The following BRINP3 variants were observed in gnomAD, a reference collection of about 807,000 sequenced individuals.
BRINP3 encodes the protein BMP/retinoic acid inducible neural specific 3.
In BRINP3, 19 loss-of-function variants were observed where a neutral mutation model predicts 71.0. That is an observed-to-expected ratio of 0.27 (90% CI 0.19 to 0.39). BRINP3 has a LOEUF of 0.39. BRINP3 is among the 10% of genes least tolerant of loss of function. The probability of loss-of-function intolerance (pLI) is 1.00; values close to 1 mark genes in which losing one functional copy is unlikely to be tolerated. For synonymous variants in BRINP3, 380 were observed against 337.7 expected, an observed-to-expected ratio of 1.13 and a Z score of -1.37; for missense variants, 959 against 940.8, an observed-to-expected ratio of 1.02 and a Z score of -0.25.
chr1:190,368,641 T>C (rs1309859339), intron 2 of BRINP3, among the ~76,000 whole-genome samples: 1 of 151,906 alleles, frequency 6.6e-6, no homozygotes, highest in Non-Finnish European at 1.5e-5. Flanking sequence ...CACAAACAAG[T>C]TTATTGAGGG....
Position 190,160,908 on chromosome 1 carries a change from T to G in BRINP3, c.962-18A>C, listed in dbSNP as rs530432467. The G allele has an allele frequency of 5.8e-6, 9 of 1,539,340 alleles. No individual in the cohort carries two copies. The South Asian group carries it at 8.2e-5, about 14-fold the overall frequency. On this transcript the variant is annotated intron_variant, in intron 6 of 7. Coordinates refer to ENST00000367462, the MANE Select transcript of BRINP3 (RefSeq NM_199051.3). Reference sequence around the variant, plus strand: ...GAATTCATCTGAAAAATGTCAAAATTCAACACTTTAATTATGAAACAATTA... The same window carrying G: ...GAATTCATCTGAAAAATGTCAAAATGCAACACTTTAATTATGAAACAATTA...
chr1:190,398,766 T>G (rs1453671498), intron 2 of BRINP3, among the ~76,000 whole-genome samples: 1 of 152,040 alleles, frequency 6.6e-6, no homozygotes, highest in East Asian at 1.9e-4. Flanking sequence ...AATATTGTAA[T>G]AGCAAGTGAG....
chr1:190,396,073 T>C (rs1283506828), intron 2 of BRINP3, among the ~76,000 whole-genome samples: 2 of 151,932 alleles, frequency 1.3e-5, no homozygotes, highest in Non-Finnish European at 2.9e-5. Context: ...GGGTTCTGAA[T>C]ATTAATTATG....
chr1:190,256,741 A>T (rs537083523), intron 4 of BRINP3, among the ~76,000 whole-genome samples: 1 of 152,270 alleles, frequency 6.6e-6, no homozygotes, highest in East Asian at 1.9e-4. Flanking sequence ...TCCTTAAATT[A>T]TGAAGCTTAG....
At chr1:190,351,431 A>C (rs1302395935) in intron 2 of BRINP3, among the ~76,000 whole-genome samples, 1 of 152,172 alleles carries the variant, frequency 6.6e-6, no homozygotes, top group African/African-American at 2.4e-5. Flanking sequence ...ATTTATGAAT[A>C]TTTATAAATT....
intron 2 of BRINP3, among the ~76,000 whole-genome samples, chr1:190,432,437 A>G (rs980677422): frequency 1.6e-4 from 24 of 152,344 alleles, no homozygotes; most frequent in African/African-American, 5.8e-4. Context: ...TTCAGAGGCC[A>G]TATCACACAA....
chr1:190,462,985 A>T (rs1676494764), intron 1 of BRINP3, among the ~76,000 whole-genome samples: 1 of 152,010 alleles, frequency 6.6e-6, no homozygotes, highest in Non-Finnish European at 1.5e-5. Context: ...GATAGTTTAA[A>T]TCTACTAAAT....
chr1:190,275,452 T>G (rs1662476371), intron 3 of BRINP3, among the ~76,000 whole-genome samples: 1 of 151,638 alleles, frequency 6.6e-6, no homozygotes, highest in South Asian at 2.1e-4. Context: ...TTTGAGATTC[T>G]GCATTTCTAA....
chr1:190,391,929 G>C (rs760100377), intron 2 of BRINP3, among the ~76,000 whole-genome samples: 1 of 151,596 alleles, frequency 6.6e-6, no homozygotes, highest in South Asian at 2.1e-4. Context: ...ATCATTTTTG[G>C]TTCCACGATA....
chr1:190,278,177 A>G (rs1370070663), intron 3 of BRINP3, among the ~76,000 whole-genome samples: 5 of 151,730 alleles, frequency 3.3e-5, no homozygotes, highest in African/African-American at 4.8e-5. Flanking sequence ...TTTATAGTCA[A>G]CTTGTTTTGA....
intron 2 of BRINP3, 69 bp from the exon 3 acceptor site, chr1:190,281,819 G>A (rs1663063620): frequency 7.0e-7 from 1 of 1,434,302 alleles, no homozygotes; most frequent in Non-Finnish European, 9.5e-7. Context: ...GAGTTCACTT[G>A]GTAGCTGGGG....
At chr1:190,194,833 G>A (rs2102587613) in intron 6 of BRINP3, among the ~76,000 whole-genome samples, 1 of 152,134 alleles carries the variant, frequency 6.6e-6, no homozygotes, top group East Asian at 1.9e-4. Context: ...AGTAGTAGTA[G>A]CTAACGTCTG....
At chr1:190,258,230 G>A (rs1381827236) in intron 4 of BRINP3, among the ~76,000 whole-genome samples, 1 of 152,114 alleles carries the variant, frequency 6.6e-6, no homozygotes, top group Admixed American at 6.5e-5. Flanking sequence ...TGCCTTGCAG[G>A]TCAATCTCAG....
intron 2 of BRINP3, among the ~76,000 whole-genome samples, chr1:190,402,739 A>T (rs1356608843): frequency 6.6e-6 from 1 of 152,128 alleles, no homozygotes; most frequent in Non-Finnish European, 1.5e-5. Context: ...TTATTCATTT[A>T]TCTATTTATT....
At chr1:190,226,729 C>T (rs1460151516) in intron 5 of BRINP3, among the ~76,000 whole-genome samples, 1 of 151,812 alleles carries the variant, frequency 6.6e-6, no homozygotes, top group Non-Finnish European at 1.5e-5. Flanking sequence ...GACTATCAGC[C>T]CACATCAATG....
chr1:190,337,989 C>G (rs1040266667), intron 2 of BRINP3, among the ~76,000 whole-genome samples: 12 of 151,984 alleles, frequency 7.9e-5, no homozygotes, highest in African/African-American at 2.4e-4. Flanking sequence ...TTGGTGTTGA[C>G]TTAATTTCTT....
At chr1:190,124,551 T>A (rs1009828045) in intron 7 of BRINP3, among the ~76,000 whole-genome samples, 3 of 152,056 alleles carry the variant, frequency 2.0e-5, no homozygotes, top group African/African-American at 4.8e-5. Flanking sequence ...TTAATAAAAA[T>A]AACAACAGTG....
chr1:190,115,093 C>T (rs1337961045), intron 7 of BRINP3, among the ~76,000 whole-genome samples: 1 of 151,976 alleles, frequency 6.6e-6, no homozygotes, highest in East Asian at 1.9e-4. Context: ...CTAATGATGG[C>T]AGGAAGTTTT....
intron 7 of BRINP3, among the ~76,000 whole-genome samples, chr1:190,132,287 A>G (rs1654607984): frequency 6.6e-6 from 1 of 152,056 alleles, no homozygotes. Flanking sequence ...CTTCATTGTG[A>G]AACTTTTATT....
Sources: gnomAD v4.1 joint callset for allele counts (sites outside exome capture counted in the v4.1 genomes callset) on GRCh38, gnomAD v4.1.1 for gene constraint, MANE v1.5 for transcripts, NCBI Gene and HGNC (gene_info 2026-07-23, HGNC 2026-07-21) for gene names.